ERG: variants seen among roughly 807,000 people sequenced by gnomAD.
ERG encodes transcriptional regulator ERG.
ERG carries 9 observed loss-of-function variants against 55.3 expected under a neutral mutation model. The observed-to-expected ratio is 0.16, with a 90% CI of 0.10 to 0.28. ERG has a LOEUF of 0.28. Ranked by LOEUF, ERG falls within the 10% of genes least tolerant of loss-of-function variation. The probability of loss-of-function intolerance (pLI) is 1.00; values close to 1 mark genes in which losing one functional copy is unlikely to be tolerated. For synonymous variants in ERG, 223 were observed against 237.3 expected (o/e 0.94, Z 0.55); for missense variants, 434 against 631.6 (o/e 0.69, Z 3.35).
chr21:38,624,470 A>T (rs1485119494), intron 1 of ERG, among the ~76,000 whole-genome samples: 2 of 152,072 alleles, frequency 1.3e-5, no homozygotes, highest in Admixed American at 1.3e-4. Flanking sequence ...CAAAAAATAA[A>T]AAAACTCTCC....
chr21:38,583,670 A>G (rs2060044115), intron 1 of ERG, among the ~76,000 whole-genome samples: 1 of 152,202 alleles, frequency 6.6e-6, no homozygotes, highest in Admixed American at 6.5e-5. Flanking sequence ...GGGCCTTTAC[A>G]GAGGCAATCA....
chr21:38,588,797 C>T (rs2060082504), upstream of ERG, among the ~76,000 whole-genome samples: 1 of 152,110 alleles, frequency 6.6e-6, no homozygotes, highest in Non-Finnish European at 1.5e-5. Flanking sequence ...CTCACTGCAG[C>T]CTGGACCCTC....
chr21:38,378,943 G>A (rs1342597917), downstream of ERG, among the ~76,000 whole-genome samples: 1 of 152,284 alleles, frequency 6.6e-6, no homozygotes, highest in Non-Finnish European at 1.5e-5. Flanking sequence ...TGTACCGTAG[G>A]GGCAGTTGGA....
At chr21:38,408,762 G>A (rs1452442412) in intron 3 of ERG, among the ~76,000 whole-genome samples, 1 of 152,154 alleles carries the variant, frequency 6.6e-6, no homozygotes. Flanking sequence ...GTTCCTATGA[G>A]ATTCAGCAGG....
intron 2 of ERG, among the ~76,000 whole-genome samples, chr21:38,541,206 G>A (rs890789735): frequency 6.6e-6 from 1 of 152,078 alleles, no homozygotes; most frequent in Non-Finnish European, 1.5e-5. Flanking sequence ...TAAGAGTTCC[G>A]ATGCTTGCTC....
chr21:38,432,540 T>A (rs1990263353), intron 2 of ERG, among the ~76,000 whole-genome samples: 1 of 152,262 alleles, frequency 6.6e-6, no homozygotes, highest in Non-Finnish European at 1.5e-5. Flanking sequence ...CACTGTTGAC[T>A]AATGATGAGC....
chr21:38,368,141 G>C, the ERG span, among the ~76,000 whole-genome samples: 1 of 152,168 alleles, frequency 6.6e-6, no homozygotes, highest in African/African-American at 2.4e-5. Flanking sequence ...GCTCTTAAAA[G>C]ATCTGATTCT....
At chr21:38,418,947 A>AAAAG (rs1569082268) in intron 3 of ERG, among the ~76,000 whole-genome samples, 3 of 132,138 alleles carry the variant, frequency 2.3e-5, no homozygotes, top group African/African-American at 5.9e-5. Flanking sequence ...AAAAAAAAAA[A>AAAAG]AAAGAAAGAA....
chr21:38,522,277 TA>T (rs35380150), intron 2 of ERG, among the ~76,000 whole-genome samples: 3 of 151,182 alleles, frequency 2.0e-5, no homozygotes, highest in African/African-American at 4.9e-5. Flanking sequence ...TTCTCAAATG[TA>T]AAAAAAAAGA....
At chr21:38,461,101 A>T (rs1266509743) in intron 1 of ERG, among the ~76,000 whole-genome samples, 1 of 152,200 alleles carries the variant, frequency 6.6e-6, no homozygotes, top group Non-Finnish European at 1.5e-5. Context: ...TTGCCAAGAC[A>T]ATGTACCACG....
intron 1 of ERG, among the ~76,000 whole-genome samples, chr21:38,591,705 CA>C (rs1400066190): frequency 6.6e-6 from 1 of 152,050 alleles, no homozygotes. Flanking sequence ...AACCAACCAA[CA>C]AACAAACAAA....
intron 1 of ERG, among the ~76,000 whole-genome samples, chr21:38,497,705 G>T (rs116707099): frequency 6.6e-6 from 1 of 152,080 alleles, no homozygotes; most frequent in Non-Finnish European, 1.5e-5. Context: ...TCCAATCTCC[G>T]CAAACCTAAC....
At chr21:38,575,884 C>A (rs980231370) in intron 1 of ERG, 10 of 664,566 alleles carry the variant, frequency 1.5e-5, no homozygotes, top group Middle Eastern at 2.6e-4. Flanking sequence ...CTAAAGGCAT[C>A]CTCTAGGTAC....
Position 38,551,706 on chromosome 21 carries a change from C to A in ERG, c.-41+23956G>T, listed in dbSNP as rs151112515. Among the ~76,000 whole-genome samples, 750 of 152,194 alleles carry A rather than the reference C, an allele frequency of 4.9e-3. 8 individuals are homozygous for A. The highest frequency in any genetic ancestry group is 0.017 in the African/African-American group (712 of 41,524). On this transcript the variant is annotated intron_variant, in intron 2 of 8. Coordinates refer to the ERG transcript ENST00000398897. ...ACCGTGCTGTGGTCTGAAAGTACGG[C>A]TAGTATGATTTCAGGGTTTTTTTTC...
At chr21:38,507,913 G>A (rs1260580003) in intron 2 of ERG, among the ~76,000 whole-genome samples, 1 of 7,676 alleles carries the variant, frequency 1.3e-4, no homozygotes, top group African/African-American at 5.9e-4. Flanking sequence ...TGGGACTTAA[G>A]TTGTGAGGAA....
At chr21:38,435,745 G>A (rs1157162979) in intron 2 of ERG, among the ~76,000 whole-genome samples, 3 of 152,296 alleles carry the variant, frequency 2.0e-5, no homozygotes, top group East Asian at 1.9e-4. Context: ...GCAAGACCGT[G>A]TTGCTTTTAG....
intron 1 of ERG, among the ~76,000 whole-genome samples, chr21:38,486,809 G>T (rs1360347983): frequency 1.3e-5 from 2 of 152,114 alleles, no homozygotes; most frequent in African/African-American, 4.8e-5. Flanking sequence ...TTGGCTTCCC[G>T]AGAAGCTGAA....
chr21:38,544,248 G>A (rs2059773856), intron 2 of ERG, among the ~76,000 whole-genome samples: 1 of 152,226 alleles, frequency 6.6e-6, no homozygotes, highest in African/African-American at 2.4e-5. Flanking sequence ...TAGGAGATGA[G>A]GCTGAAGAAG....
intron 1 of ERG, among the ~76,000 whole-genome samples, chr21:38,491,847 C>T (rs534957167): frequency 4.6e-5 from 7 of 152,140 alleles, no homozygotes; most frequent in Non-Finnish European, 5.9e-5. Context: ...CCTTGGATCT[C>T]GCCAAATATG....
Sources: allele counts gnomAD v4.1 joint callset (sites outside exome capture counted in the v4.1 genomes callset), GRCh38; gene constraint gnomAD v4.1.1; transcripts MANE v1.5; gene names NCBI Gene and HGNC (gene_info 2026-07-23, HGNC 2026-07-21).